The following POGZ variants were observed in gnomAD, a reference collection of about 807,000 sequenced individuals.
POGZ encodes pogo transposable element with ZNF domain.
Under a neutral mutation model 134.6 loss-of-function variants are expected in POGZ, and 17 were observed. The ratio of observed to expected loss-of-function variants is 0.13; its 90% CI spans 0.09 to 0.19. The LOEUF (loss-of-function observed/expected upper bound fraction) is 0.19, where lower values mean the gene tolerates loss of function less well. POGZ is among the 10% of genes least tolerant of loss of function. POGZ has a pLI of 1.00. For missense variants in POGZ, 1,306 were observed against 1,769.7 expected, an observed-to-expected ratio of 0.74 and a Z score of 4.70; for synonymous variants, 693 against 657.1, an observed-to-expected ratio of 1.05 and a Z score of -0.84.
chr1:151,408,283 G>T, intron 14 of POGZ, 43 bp from the exon 15 acceptor site: 1 of 1,600,132 alleles, frequency 6.2e-7, no homozygotes. Context: ...CTGCCTCATG[G>T]GTCCCCAAAA....
In POGZ at chr1:151,430,699, A is replaced by C. The variant is rs373882893; in HGVS notation, c.426T>G (p.Pro142=). Residue 142 remains proline (P), a synonymous_variant, in exon 4 of 19, where the codon CCT becomes CCG. Coordinates refer to ENST00000271715, the MANE Select transcript of POGZ (RefSeq NM_015100.4). The stretch of plus-strand genomic sequence containing the variant: ...TGATAAATATTGGTTGTGAGGCCAC[A>C]GGGGAACTAGTCACATGATTGGCAT... ...MQNANHVTSS[P]VASQPIFITT... The C allele has an allele frequency of 6.2e-7, 1 of 1,609,528 alleles. No homozygotes were observed. The highest frequency in any genetic ancestry group is 1.3e-5 in the African/African-American group (1 of 74,282).
intron 7 of POGZ, chr1:151,426,692 T>A (rs1347502531): frequency 6.6e-6 from 1 of 152,220 alleles, no homozygotes; most frequent in Non-Finnish European, 1.5e-5. Context: ...TTACTCATTT[T>A]TTCTTTTCTT....
intron 16 of POGZ, 61 bp from the exon 17 acceptor site, chr1:151,407,084 G>T: frequency 7.2e-7 from 1 of 1,380,856 alleles, no homozygotes; most frequent in Non-Finnish European, 1.0e-6. Flanking sequence ...AGACCATTAA[G>T]CTTTGAGGCT....
chr1:151,431,554 CCA>C (rs1373129988), intron 3 of POGZ, among the ~76,000 whole-genome samples: 1 of 152,072 alleles, frequency 6.6e-6, no homozygotes, highest in Non-Finnish European at 1.5e-5. Context: ...CACTGGGAAC[CCA>C]GAGACTGACA....
At chr1:151,446,272 A>C (rs1052963066) in intron 1 of POGZ, among the ~76,000 whole-genome samples, 5 of 140,154 alleles carry the variant, frequency 3.6e-5, no homozygotes, top group African/African-American at 1.3e-4. Context: ...AAAAAAAAAA[A>C]AACGAATTTT....
intron 10 of POGZ, among the ~76,000 whole-genome samples, chr1:151,413,725 G>A (rs962275501): frequency 3.3e-5 from 5 of 151,570 alleles, no homozygotes; most frequent in African/African-American, 4.9e-5. Flanking sequence ...TGTCTCGCAC[G>A]CTAGAGCGCA....
intron 3 of POGZ, among the ~76,000 whole-genome samples, chr1:151,439,790 T>C (rs1660225167): frequency 6.6e-6 from 1 of 152,238 alleles, no homozygotes; most frequent in Non-Finnish European, 1.5e-5. Context: ...TCTTAAAAAC[T>C]GTGATGACCT....
At chr1:151,448,003 G>A (rs1557948148) in intron 1 of POGZ, among the ~76,000 whole-genome samples, 3 of 152,110 alleles carry the variant, frequency 2.0e-5, no homozygotes, top group African/African-American at 7.2e-5. Context: ...GAATGATACT[G>A]GTGGGGAATG....
At chr1:151,412,027 T>A (rs1654779541) in intron 11 of POGZ, among the ~76,000 whole-genome samples, 1 of 152,230 alleles carries the variant, frequency 6.6e-6, no homozygotes, top group Non-Finnish European at 1.5e-5. Flanking sequence ...AAGCCTTTTC[T>A]GTCAATTTCC....
Position 151,411,617 on chromosome 1 carries a change from C to A in POGZ, c.1926+8G>T. Reference sequence around the variant, plus strand: ...AAGAGAATATGGGAATTGCTTGGTGCCTAGTACCTGGTGCCTCATGTAATG... The same window carrying A: ...AAGAGAATATGGGAATTGCTTGGTGACTAGTACCTGGTGCCTCATGTAATG... On this transcript the variant is annotated splice_region_variant and intron_variant, in intron 12 of 18. Coordinates refer to ENST00000271715, the MANE Select transcript of POGZ (RefSeq NM_015100.4). The A allele has an allele frequency of 6.3e-7, 1 of 1,589,770 alleles. No individual in the cohort carries two copies. Among genetic ancestry groups the A allele is most frequent in the Admixed American group, 1.8e-5 (1 of 56,872 alleles).
chr1:151,449,334 G>A (rs1171668186), intron 1 of POGZ, among the ~76,000 whole-genome samples: 1 of 152,140 alleles, frequency 6.6e-6, no homozygotes, highest in Non-Finnish European at 1.5e-5. Context: ...GAGGGCATTT[G>A]GCAATGTCTA....
intron 17 of POGZ, 114 bp downstream of exon 17, chr1:151,406,797 C>T: frequency 1.0e-6 from 1 of 970,560 alleles, no homozygotes; most frequent in Non-Finnish European, 1.6e-6. Context: ...TTAGGTCCAG[C>T]ACATCTCAAC....
chr1:151,440,767 TACAGAA>T, intron 3 of POGZ, 155 bp downstream of exon 3: 1 of 573,564 alleles, frequency 1.7e-6, no homozygotes, highest in East Asian at 2.7e-5. Context: ...TAGCACCATC[TACAGAA>T]ATCACTTCCG....
At position 151,404,891 on chromosome 1, in the gene POGZ, C is replaced by G; in HGVS notation, c.4144G>C (p.Glu1382Gln). The G allele has an allele frequency of 1.9e-6, 3 of 1,614,210 alleles. No individual in the cohort carries two copies. Among genetic ancestry groups the G allele is most frequent in the Non-Finnish European group, 2.5e-6 (3 of 1,180,040 alleles). The change falls in exon 19 of 19, where the codon GAA becomes CAA. Residue 1382 changes from glutamate (E) to glutamine (Q), a missense_variant. This residue lies in a region of POGZ where 107 missense variants were observed against 97.9 expected (regional missense o/e 1.09). Coordinates refer to ENST00000271715, the MANE Select transcript of POGZ (RefSeq NM_015100.4). ...RSSPEETIEP[E>Q]SLHQLFEGES... Reference sequence around the variant, plus strand: ...CCCTCAAAGAGCTGGTGAAGACTTTCAGGCTCAATTGTCTCTTCAGGAGAT... The same window carrying G: ...CCCTCAAAGAGCTGGTGAAGACTTTGAGGCTCAATTGTCTCTTCAGGAGAT...
intron 3 of POGZ, among the ~76,000 whole-genome samples, chr1:151,434,995 G>C (rs1300065515): frequency 6.6e-6 from 1 of 151,004 alleles, no homozygotes; most frequent in Non-Finnish European, 1.5e-5. Flanking sequence ...CTGCCTCCTA[G>C]GTTCAAGTGG....
chr1:151,437,937 A>T (rs1258958206), intron 3 of POGZ, among the ~76,000 whole-genome samples: 1 of 152,050 alleles, frequency 6.6e-6, no homozygotes, highest in Non-Finnish European at 1.5e-5. Context: ...GGCTGGGCGC[A>T]GTAGCTCACG....
intron 1 of POGZ, among the ~76,000 whole-genome samples, chr1:151,454,550 T>C (rs1008316151): frequency 1.3e-5 from 2 of 152,204 alleles, no homozygotes; most frequent in Admixed American, 1.3e-4. Flanking sequence ...TGGTAGCCAA[T>C]CCTGTATCAA....
chr1:151,413,369 C>T (rs979832504), intron 10 of POGZ, among the ~76,000 whole-genome samples: 1 of 152,054 alleles, frequency 6.6e-6, no homozygotes, highest in Non-Finnish European at 1.5e-5. Flanking sequence ...ATCCTTTTGT[C>T]AATCCACTTC....
chr1:151,403,129 G>A lies in POGZ; in HGVS notation c.*1673C>T. The A allele has an allele frequency of 2.7e-6, 2 of 745,160 alleles. No individual in the cohort carries two copies. The highest frequency in any genetic ancestry group is 6.1e-5 in the South Asian group (1 of 16,394). The allele number at this position is 745,160 out of a possible 1,614,324, so 46.2% of individuals were successfully genotyped here. On this transcript the variant is annotated 3_prime_UTR_variant, in exon 19 of 19. Transcript: ENST00000271715. The stretch of plus-strand genomic sequence containing the variant: ...TCCTTGGTTGTTTTCAGATGTCAAA[G>A]GTTCACAAAGCTGGCCAAGCTGTTT...
Sources: gnomAD v4.1 joint callset for allele counts (sites outside exome capture counted in the v4.1 genomes callset) on GRCh38, gnomAD v4.1.1 for gene constraint, gnomAD v4.1.1 regional missense constraint, MANE v1.5 for transcripts, NCBI Gene and HGNC (gene_info 2026-07-23, HGNC 2026-07-21) for gene names.